Variants in CAPN8 observed in about 807,000 individuals in gnomAD.
The protein encoded by CAPN8 is calpain-8.
A neutral mutation model predicts 80.9 loss-of-function variants in CAPN8; 87 were observed. The observed-to-expected ratio is 1.07, with a 90% CI of 0.90 to 1.28. The LOEUF is 1.28. Among genes scored for constraint, CAPN8 ranks in the 50% most tolerant of loss-of-function variants. CAPN8 has a pLI of 0.00. For missense variants in CAPN8, 757 were observed against 702.0 expected, an observed-to-expected ratio of 1.08 and a Z score of -0.89; for synonymous variants, 299 against 273.8, an observed-to-expected ratio of 1.09 and a Z score of -0.91.
chr1:223,665,654 G>C lies in CAPN8; in HGVS notation c.-8C>G, dbSNP rs1027397322. The C allele has an allele frequency of 6.5e-7, 1 of 1,549,558 alleles. No homozygotes were observed. The highest frequency in any genetic ancestry group is 1.4e-5 in the African/African-American group (1 of 72,974). The stretch of plus-strand genomic sequence containing the variant: ...AGCTGCCTGGGCTGCCATGGCCGTG[G>C]GCTCTGTAGGGTGGACAGAAGGGCA... On this transcript the variant is annotated 5_prime_UTR_variant, in exon 1 of 21. Coordinates refer to ENST00000366872, the MANE Select transcript of CAPN8 (RefSeq NM_001143962.2).
Position 223,609,270 on chromosome 1 carries a change from A to G in CAPN8, c.1418T>C (p.Val473Ala). Residue 473 changes from valine (V) to alanine (A), a missense_variant, in exon 12 of 21, where the codon GTC becomes GCC. Val to Ala is a moderately conservative substitution (Grantham distance 64). Coordinates refer to ENST00000366872, the MANE Select transcript of CAPN8 (RefSeq NM_001143962.2). ...RTSTYVNLRE[V>A]SGRARLPPGE... ...AGGGGGCAGCCGGGCCCGGCCAGAG[A>G]CCTCCCGCAGGTTGACGTAGGTGCT... 1 of 398,020 alleles carries G rather than the reference A, an allele frequency of 2.5e-6. No individual in the cohort carries two copies. Among genetic ancestry groups the G allele is most frequent in the Non-Finnish European group, 4.4e-6 (1 of 225,952 alleles). The allele number at this position is 398,020 out of a possible 1,614,324, so 24.7% of individuals were successfully genotyped here. A position where few individuals can be genotyped will look rare whatever the true frequency, so the allele number is the denominator to read the frequency against.
chr1:223,652,046 A>G (rs1372202811), intron 2 of CAPN8, among the ~76,000 whole-genome samples: 1 of 152,210 alleles, frequency 6.6e-6, no homozygotes, highest in Non-Finnish European at 1.5e-5. Context: ...TAATTTTTAT[A>G]CTGTGTGTAT....
intron 11 of CAPN8, among the ~76,000 whole-genome samples, chr1:223,611,310 A>G (rs1218643154): frequency 6.6e-6 from 1 of 152,216 alleles, no homozygotes; most frequent in African/African-American, 2.4e-5. Context: ...AGACATACCC[A>G]CCAGTGTGCC....
intron 16 of CAPN8, 124 bp from the exon 17 acceptor site, chr1:223,545,423 G>C (rs755450073): frequency 4.9e-6 from 7 of 1,423,884 alleles, no homozygotes; most frequent in African/African-American, 1.4e-5. Flanking sequence ...GTGGCAAGCA[G>C]AGCAGTGGGG....
At chr1:223,546,959 G>A (rs1039646108) in intron 16 of CAPN8, among the ~76,000 whole-genome samples, 3 of 152,048 alleles carry the variant, frequency 2.0e-5, no homozygotes, top group Non-Finnish European at 4.4e-5. Flanking sequence ...TCTCACCCAG[G>A]CTGGAGTGTA....
At chr1:223,619,216 C>CA (rs1657300330) in intron 9 of CAPN8, 77 bp downstream of exon 9, 1 of 1,510,416 alleles carries the variant, frequency 6.6e-7, no homozygotes, top group Non-Finnish European at 8.9e-7. Flanking sequence ...AAAATAGCAC[C>CA]AAAAAATTAC....
chr1:223,628,198 G>C (rs2102714458), intron 3 of CAPN8, 56 bp from the exon 4 acceptor site: 1 of 1,492,824 alleles, frequency 6.7e-7, no homozygotes, highest in East Asian at 2.5e-5. Flanking sequence ...TGTAAAGGGA[G>C]TCCCTCCAGG....
chr1:223,655,839 G>C (rs890789804), intron 1 of CAPN8, among the ~76,000 whole-genome samples: 1 of 152,162 alleles, frequency 6.6e-6, no homozygotes, highest in African/African-American at 2.4e-5. Flanking sequence ...AAAAGGGCAG[G>C]ACCTCGAGGG....
intron 2 of CAPN8, among the ~76,000 whole-genome samples, chr1:223,653,332 T>C (rs1658391778): frequency 1.3e-5 from 2 of 151,774 alleles, no homozygotes; most frequent in African/African-American, 4.8e-5. Flanking sequence ...GGAGAGAACA[T>C]TGGAAGCGTT....
In CAPN8 at chr1:223,616,008, C is replaced by T. The variant is rs1657167693; in HGVS notation, c.1273G>A (p.Gly425Arg). The T allele has an allele frequency of 6.4e-7, 1 of 1,552,306 alleles. No homozygotes were observed. Among genetic ancestry groups the T allele is most frequent in the Non-Finnish European group, 8.7e-7 (1 of 1,147,142 alleles). Residue 425 changes from glycine (G) to arginine (R), a missense_variant, in exon 10 of 21, where the codon GGA becomes AGA. By Grantham distance (125) the Gly-to-Arg change is moderately radical. Coordinates refer to ENST00000366872, the MANE Select transcript of CAPN8 (RefSeq NM_001143962.2). ...QKNRRWRKRI[G>R]QGMLSIGYAV... ...TAGCCGATGCTAAGCATGCCTTGTC[C>T]TATCCGCTTCCGCCACCTGCGATTT...
chr1:223,543,282 C>A (rs765168274), intron 19 of CAPN8, 116 bp from the exon 20 acceptor site: 94 of 1,210,940 alleles, frequency 7.8e-5, no homozygotes, highest in Non-Finnish European at 1.6e-5. Context: ...TTTCCCCTAC[C>A]ACCCCCTCCC....
At chr1:223,555,005 T>G (rs1656872964) in intron 13 of CAPN8, among the ~76,000 whole-genome samples, 1 of 152,254 alleles carries the variant, frequency 6.6e-6, no homozygotes, top group Non-Finnish European at 1.5e-5. Context: ...AAAGCCGGGT[T>G]AATTTCTTTC....
Position 223,635,424 on chromosome 1 carries a change from G to A in CAPN8, c.308-6644C>T, listed in dbSNP as rs554175777. On this transcript the variant is annotated intron_variant, in intron 2 of 20. Transcript: ENST00000366872. Reference sequence around the variant, plus strand: ...ATTCATAGTCAGTGTGCCCAGAATCGACCCACACATTGACTTTTGACTCTA... The same window carrying A: ...ATTCATAGTCAGTGTGCCCAGAATCAACCCACACATTGACTTTTGACTCTA... Among the ~76,000 whole-genome samples the A allele has an allele frequency of 1.2e-4, 19 of 152,122 alleles. No homozygotes were observed. In the East Asian group the frequency reaches 2.3e-3, roughly 19 times the overall value.
Position 223,620,967 on chromosome 1 carries a change from T to TAA in CAPN8, c.900-703_900-702dup, listed in dbSNP as rs66669646. Among the ~76,000 whole-genome samples, 1,159 of 147,028 alleles carry TAA rather than the reference T, an allele frequency of 7.9e-3. 7 individuals are homozygous for TAA. Among genetic ancestry groups the TAA allele is most frequent in the Non-Finnish European group, 8.9e-3 (593 of 66,988 alleles). On this transcript the variant is annotated intron_variant, in intron 7 of 20. Coordinates refer to ENST00000366872, the MANE Select transcript of CAPN8 (RefSeq NM_001143962.2). ...ACAGAGCAGTATCAAGATCCATCTT[T>TAA]AAAAAAAAAAAAATCCCTGCCTGAA... is the stretch of plus-strand genomic sequence containing the variant.
chr1:223,665,304 C>T, intron 1 of CAPN8, 106 bp downstream of exon 1: 1 of 850,368 alleles, frequency 1.2e-6, no homozygotes, highest in African/African-American at 1.7e-5. Flanking sequence ...AATATGAGAT[C>T]CAGACACTTA....
intron 10 of CAPN8, among the ~76,000 whole-genome samples, chr1:223,614,084 T>C (rs761295330): frequency 3.3e-5 from 5 of 152,190 alleles, no homozygotes; most frequent in Non-Finnish European, 7.3e-5. Context: ...TTTGAAAGAA[T>C]GCTTTGCTGG....
chr1:223,638,395 G>T (rs1339554162), intron 2 of CAPN8, among the ~76,000 whole-genome samples: 1 of 151,976 alleles, frequency 6.6e-6, no homozygotes, highest in Non-Finnish European at 1.5e-5. Flanking sequence ...TCTCCAGTTG[G>T]CTAGAGAGGA....
At chr1:223,552,877 C>T (rs1162292701) in intron 14 of CAPN8, among the ~76,000 whole-genome samples, 1 of 152,116 alleles carries the variant, frequency 6.6e-6, no homozygotes, top group East Asian at 1.9e-4. Flanking sequence ...TAAAATATGG[C>T]CCTTGGCAGC....
At chr1:223,609,121 C>T in intron 12 of CAPN8, 32 bp downstream of exon 12, 1 of 398,300 alleles carries the variant, frequency 2.5e-6, no homozygotes, top group Non-Finnish European at 4.4e-6. Flanking sequence ...CCACAGACAA[C>T]TGTTCCCCAC....
Sources: allele counts gnomAD v4.1 joint callset (sites outside exome capture counted in the v4.1 genomes callset), GRCh38; gene constraint gnomAD v4.1.1; transcripts MANE v1.5; gene names NCBI Gene and HGNC (gene_info 2026-07-23, HGNC 2026-07-21).